Variants in SORCS2 observed in about 807,000 individuals in gnomAD.
SORCS2 encodes sortilin related VPS10 domain containing receptor 2, also known as VPS10 domain-containing receptor SorCS2.
A neutral mutation model predicts 141.6 loss-of-function variants in SORCS2; 100 were observed. The ratio of observed to expected loss-of-function variants is 0.71; its 90% CI spans 0.60 to 0.83. The LOEUF is 0.83. SORCS2 is among the 40% of genes least tolerant of loss of function. The probability of loss-of-function intolerance (pLI) is 0.00; values close to 1 mark genes in which losing one functional copy is unlikely to be tolerated. For synonymous variants in SORCS2, 789 were observed against 676.9 expected (o/e 1.17, Z -2.57); for missense variants, 1,646 against 1,560.2 (o/e 1.05, Z -0.93).
At chr4:7,559,870 T>C (rs917919552) in intron 3 of SORCS2, among the ~76,000 whole-genome samples, 1 of 152,232 alleles carries the variant, frequency 6.6e-6, no homozygotes, top group South Asian at 2.1e-4. Flanking sequence ...TTGTCACCCA[T>C]TGGGAGGCAT....
chr4:7,321,250 C>T (rs1001126291), intron 1 of SORCS2, among the ~76,000 whole-genome samples: 15 of 152,142 alleles, frequency 9.9e-5, no homozygotes, highest in Non-Finnish European at 1.9e-4. Context: ...AGGCTCCATC[C>T]AAGTTGCTGC....
chr4:7,710,352 A>G (rs1725744946), intron 14 of SORCS2, among the ~76,000 whole-genome samples: 1 of 152,138 alleles, frequency 6.6e-6, no homozygotes, highest in Non-Finnish European at 1.5e-5. Context: ...CTTGGCAAGG[A>G]GGAAATGGGG....
chr4:7,724,196 G>A (rs1214351118), intron 19 of SORCS2, among the ~76,000 whole-genome samples: 10 of 142,202 alleles, frequency 7.0e-5, no homozygotes, highest in African/African-American at 2.7e-4. Context: ...ACTGGTGGTG[G>A]TGGTGATGGT....
rs1262910698 is a variant in SORCS2, at chr4:7,233,427, G to A, written c.480+40301G>A. ...CCACAGCCTCCACAGCAGCCCGCAG[G>A]TTGCCATCCTGTTTCCATCCAGGGG... is the stretch of plus-strand genomic sequence containing the variant. On this transcript the variant is annotated intron_variant, in intron 1 of 26. Coordinates refer to ENST00000507866, the MANE Select transcript of SORCS2 (RefSeq NM_020777.3). The surrounding 1 kb of genome is among the most constrained non-coding windows in gnomAD (Gnocchi z 4.5). 6.6e-6 allele frequency among the ~76,000 whole-genome samples: 1 copy of A among 152,210 alleles called. No homozygotes were observed. The highest frequency in any genetic ancestry group is 2.4e-5 in the African/African-American group (1 of 41,464).
intron 11 of SORCS2, among the ~76,000 whole-genome samples, chr4:7,693,546 A>C (rs971165819): frequency 6.6e-6 from 1 of 152,182 alleles, no homozygotes; most frequent in East Asian, 1.9e-4. Context: ...CCTTTGCCCC[A>C]TCCTGGTCAC....
intron 1 of SORCS2, among the ~76,000 whole-genome samples, chr4:7,194,436 G>A (rs1286965738): frequency 6.6e-6 from 1 of 152,202 alleles, no homozygotes; most frequent in African/African-American, 2.4e-5. Context: ...TGGGGCAGGG[G>A]TAGGGGCAGC....
At chr4:7,542,543 C>T (rs1290137917) in intron 3 of SORCS2, among the ~76,000 whole-genome samples, 1 of 152,042 alleles carries the variant, frequency 6.6e-6, no homozygotes, top group Non-Finnish European at 1.5e-5. Context: ...GCCCACGACA[C>T]CAAAAACTAA....
At chr4:7,362,427 T>G (rs1721633174) in intron 1 of SORCS2, among the ~76,000 whole-genome samples, 2 of 152,082 alleles carry the variant, frequency 1.3e-5, no homozygotes, top group African/African-American at 2.4e-5. Flanking sequence ...CCTGGAAAAG[T>G]TGTTGCCAGC....
intron 1 of SORCS2, among the ~76,000 whole-genome samples, chr4:7,378,804 AG>A (rs1237436481): frequency 1.3e-5 from 2 of 152,044 alleles, no homozygotes; most frequent in Non-Finnish European, 2.9e-5. Context: ...TGGGCAGCTG[AG>A]AGTTATCCCA....
At chr4:7,409,581 G>T (rs999208583) in intron 2 of SORCS2, among the ~76,000 whole-genome samples, 4 of 152,112 alleles carry the variant, frequency 2.6e-5, no homozygotes, top group Admixed American at 2.6e-4. Flanking sequence ...ACAGTCTCCC[G>T]CCAGAGAACC....
chr4:7,266,460 T>C (rs1484980925), intron 1 of SORCS2, among the ~76,000 whole-genome samples: 1 of 152,188 alleles, frequency 6.6e-6, no homozygotes, highest in South Asian at 2.1e-4. Context: ...TGTGCCACCT[T>C]CTGTGCTCTG....
chr4:7,493,407 G>C (rs375733855), intron 2 of SORCS2, among the ~76,000 whole-genome samples: 5 of 152,286 alleles, frequency 3.3e-5, no homozygotes, highest in Middle Eastern at 3.4e-3. Flanking sequence ...GGGCACAGCA[G>C]CTTCCCGAGG....
intron 11 of SORCS2, among the ~76,000 whole-genome samples, chr4:7,694,549 A>G (rs11734985): frequency 0.17 from 25,761 of 152,180 alleles, 2,488 homozygotes; most frequent in South Asian, 0.32. Context: ...TGGCCCGCGC[A>G]GTGTGCTGAC....
chr4:7,476,292 G>A (rs1730287333), intron 2 of SORCS2, among the ~76,000 whole-genome samples: 1 of 152,170 alleles, frequency 6.6e-6, no homozygotes, highest in Admixed American at 6.5e-5. Flanking sequence ...GCAATTGTTG[G>A]GGTTTATAAG....
At chr4:7,606,773 A>G (rs1718091150) in intron 3 of SORCS2, among the ~76,000 whole-genome samples, 1 of 152,000 alleles carries the variant, frequency 6.6e-6, no homozygotes, top group Admixed American at 6.6e-5. Context: ...AGGGTGGGTG[A>G]CGATGCCATC....
intron 3 of SORCS2, among the ~76,000 whole-genome samples, chr4:7,536,948 G>A (rs746562943): frequency 1.1e-4 from 17 of 152,230 alleles, no homozygotes; most frequent in Admixed American, 1.3e-4. Context: ...TCACCCAGCC[G>A]GTAGAGAGAA....
chr4:7,258,486 T>A lies in SORCS2; in HGVS notation c.480+65360T>A, dbSNP rs143868402. Among the ~76,000 whole-genome samples, 389 of 152,368 alleles carry A rather than the reference T, an allele frequency of 2.6e-3. 1 individual carries two copies. The highest frequency in any genetic ancestry group is 9.0e-3 in the African/African-American group (375 of 41,590). ...CAAAGGACATGAACTCATTCCTTTT[T>A]TATGGCTGCATAGTATCCCATGGTG... On this transcript the variant is annotated intron_variant, in intron 1 of 26. Transcript: ENST00000507866.
intron 4 of SORCS2, among the ~76,000 whole-genome samples, chr4:7,638,777 C>T (rs1265157244): frequency 1.3e-5 from 2 of 152,278 alleles, no homozygotes; most frequent in South Asian, 2.1e-4. Flanking sequence ...GAGTAGCAGG[C>T]GATTAGGATC....
intron 3 of SORCS2, among the ~76,000 whole-genome samples, chr4:7,580,897 A>G (rs1376687319): frequency 1.3e-5 from 2 of 152,166 alleles, no homozygotes; most frequent in Non-Finnish European, 2.9e-5. Context: ...GCCTCCCCCA[A>G]ATTATAATAA....
Sources: gnomAD v4.1 joint callset for allele counts (sites outside exome capture counted in the v4.1 genomes callset) on GRCh38, gnomAD v4.1.1 for gene constraint, Gnocchi (gnomAD v3.1) non-coding constraint, MANE v1.5 for transcripts, NCBI Gene and HGNC (gene_info 2026-07-23, HGNC 2026-07-21) for gene names.